Variants in RIT2 observed in about 807,000 individuals in gnomAD.
RIT2 encodes the protein GTP-binding protein Rit2.
A neutral mutation model predicts 23.7 loss-of-function variants in RIT2; 24 were observed. That is an observed-to-expected ratio of 1.01 (90% CI 0.73 to 1.43). The LOEUF is 1.43. RIT2 is among the 40% of genes most tolerant of loss of function. The pLI, the probability that RIT2 is intolerant of heterozygous loss-of-function variation, is 0.00. For missense variants in RIT2, 236 were observed against 266.9 expected (o/e 0.88, Z 0.81); for synonymous variants, 107 against 91.1 (o/e 1.17, Z -0.99).
chr18:43,115,166 C>T (rs572676050), intron 1 of RIT2, among the ~76,000 whole-genome samples: 4 of 152,030 alleles, frequency 2.6e-5, no homozygotes, highest in African/African-American at 9.6e-5. Context: ...CAAATATCAC[C>T]CAGCATGAAA....
chr18:43,043,428 A>G (rs1279891280), intron 1 of RIT2, among the ~76,000 whole-genome samples: 1 of 152,208 alleles, frequency 6.6e-6, no homozygotes, highest in Non-Finnish European at 1.5e-5. Flanking sequence ...CTAAATGTTA[A>G]TTTTTGAATG....
chr18:42,835,010 C>T (rs1436572153), intron 4 of RIT2, among the ~76,000 whole-genome samples: 1 of 152,096 alleles, frequency 6.6e-6, no homozygotes, highest in Non-Finnish European at 1.5e-5. Context: ...TCACATTACC[C>T]TTTGACATAA....
chr18:42,806,853 C>G (rs1905698154), intron 4 of RIT2, among the ~76,000 whole-genome samples: 1 of 152,148 alleles, frequency 6.6e-6, no homozygotes, highest in African/African-American at 2.4e-5. Context: ...TCTCTAATAG[C>G]TGAGTCCATA....
intron 4 of RIT2, among the ~76,000 whole-genome samples, chr18:42,786,258 C>G (rs888841531): frequency 6.6e-6 from 1 of 152,076 alleles, no homozygotes. Flanking sequence ...TTTTAACTTT[C>G]CTGTACACAA....
intron 4 of RIT2, among the ~76,000 whole-genome samples, chr18:42,824,477 G>C (rs1281605025): frequency 6.6e-6 from 1 of 151,970 alleles, no homozygotes; most frequent in Non-Finnish European, 1.5e-5. Flanking sequence ...AATTGCAACA[G>C]TATGCACAAG....
chr18:43,012,435 A>G (rs1421289201), intron 2 of RIT2, among the ~76,000 whole-genome samples: 3 of 151,794 alleles, frequency 2.0e-5, no homozygotes, highest in Non-Finnish European at 4.4e-5. Flanking sequence ...AACATAGTAG[A>G]GATCATTTAT....
chr18:43,032,317 T>A (rs762757896), intron 2 of RIT2, among the ~76,000 whole-genome samples: 3 of 152,178 alleles, frequency 2.0e-5, no homozygotes, highest in South Asian at 2.1e-4. Context: ...TTCAAGCTGT[T>A]AGACGTGAGA....
chr18:43,021,684 A>C (rs1302652953), intron 2 of RIT2, among the ~76,000 whole-genome samples: 2 of 152,088 alleles, frequency 1.3e-5, no homozygotes, highest in African/African-American at 4.8e-5. Context: ...TGCTCCAGCC[A>C]TGTAAAACGT....
At chr18:43,012,508 C>T (rs1177407300) in intron 2 of RIT2, among the ~76,000 whole-genome samples, 1 of 151,472 alleles carries the variant, frequency 6.6e-6, no homozygotes, top group Non-Finnish European at 1.5e-5. Flanking sequence ...TTTCACATTT[C>T]AGTTAAGTTT....
chr18:42,917,097 G>A lies in RIT2; in HGVS notation c.426+6475C>T, dbSNP rs376030786. ...TATGTAGCTGAGGCTGACCCTTTAAGCACTTGATGGCCGGAAGCTATCTAT... is the reference window on the plus strand; with the variant it reads ...TATGTAGCTGAGGCTGACCCTTTAAACACTTGATGGCCGGAAGCTATCTAT... On this transcript the variant is annotated intron_variant, in intron 4 of 4. Transcript: ENST00000326695. 5.3e-5 allele frequency among the ~76,000 whole-genome samples: 8 copies of A among 152,220 alleles called. No homozygotes were observed. In the East Asian group the frequency reaches 9.7e-4, roughly 18 times the overall value.
chr18:43,106,789 A>T (rs1161504301), intron 1 of RIT2, among the ~76,000 whole-genome samples: 1 of 152,204 alleles, frequency 6.6e-6, no homozygotes, highest in Non-Finnish European at 1.5e-5. Flanking sequence ...TAGCTGAAGT[A>T]GAATTATAGT....
At chr18:43,002,841 T>A (rs1911139390) in intron 2 of RIT2, among the ~76,000 whole-genome samples, 1 of 151,948 alleles carries the variant, frequency 6.6e-6, no homozygotes, top group African/African-American at 2.4e-5. Flanking sequence ...ATGTTGTTAA[T>A]CAGCTGAACT....
At chr18:43,027,650 A>C (rs1911764652) in intron 2 of RIT2, among the ~76,000 whole-genome samples, 2 of 151,970 alleles carry the variant, frequency 1.3e-5, no homozygotes, top group Non-Finnish European at 2.9e-5. Context: ...TGAAGATAGG[A>C]GGAGAAGTTG....
chr18:42,925,516 G>A lies in RIT2; in HGVS notation c.235-1753C>T, dbSNP rs186309082. ...CAATAATAAAAATGCAAGCTAAAAT[G>A]GAAAAGATCCATTTTACAATTTAAA... On this transcript the variant is annotated intron_variant, in intron 3 of 4. Transcript: ENST00000326695. 5.9e-5 allele frequency among the ~76,000 whole-genome samples: 9 copies of A among 151,832 alleles called. No homozygotes were observed. In the East Asian group the frequency reaches 1.6e-3, roughly 26 times the overall value.
At chr18:42,897,972 G>A (rs1239759907) in intron 4 of RIT2, among the ~76,000 whole-genome samples, 2 of 152,156 alleles carry the variant, frequency 1.3e-5, no homozygotes, top group Non-Finnish European at 2.9e-5. Flanking sequence ...GCTTGTAATC[G>A]TGGGCAAAAG....
intron 3 of RIT2, among the ~76,000 whole-genome samples, chr18:42,969,238 C>T (rs544720): frequency 0.53 from 81,163 of 151,832 alleles, 25,449 homozygotes; most frequent in East Asian, 0.85. Flanking sequence ...CATTTTATTC[C>T]TCTGGACCTT....
At chr18:42,934,771 C>T (rs371591162) in intron 3 of RIT2, among the ~76,000 whole-genome samples, 10 of 152,082 alleles carry the variant, frequency 6.6e-5, no homozygotes, top group African/African-American at 1.7e-4. Flanking sequence ...TTAAACAATG[C>T]TTTTCTTAAA....
At chr18:42,772,871 G>C (rs1285572620) in intron 4 of RIT2, among the ~76,000 whole-genome samples, 3 of 152,164 alleles carry the variant, frequency 2.0e-5, no homozygotes, top group Non-Finnish European at 4.4e-5. Context: ...CCTTTGGGAA[G>C]CTCTTTATAC....
At chr18:42,823,844 T>C (rs1434041131) in intron 4 of RIT2, among the ~76,000 whole-genome samples, 2 of 152,110 alleles carry the variant, frequency 1.3e-5, no homozygotes, top group Non-Finnish European at 2.9e-5. Flanking sequence ...GAGGCAGAAC[T>C]GAGATTGAAG....
Sources: gnomAD v4.1 joint callset for allele counts (sites outside exome capture counted in the v4.1 genomes callset) on GRCh38, gnomAD v4.1.1 for gene constraint, MANE v1.5 for transcripts, NCBI Gene and HGNC (gene_info 2026-07-23, HGNC 2026-07-21) for gene names.